The following MRTFA variants were observed in gnomAD, a reference collection of about 807,000 sequenced individuals.
The protein encoded by MRTFA is myocardin related transcription factor A.
A neutral mutation model predicts 83.5 loss-of-function variants in MRTFA; 20 were observed. The ratio of observed to expected loss-of-function variants is 0.24; its 90% CI spans 0.17 to 0.35. The LOEUF (loss-of-function observed/expected upper bound fraction) is 0.35. MRTFA is among the 10% of genes least tolerant of loss of function. The pLI, the probability that MRTFA is intolerant of heterozygous loss-of-function variation, is 1.00. For missense variants in MRTFA, 1,200 were observed against 1,224.7 expected (o/e 0.98, Z 0.30); for synonymous variants, 659 against 541.2 (o/e 1.22, Z -3.02).
chr22:40,411,670 A>G lies in MRTFA; in HGVS notation c.2816T>C (p.Leu939Pro). Residue 939 changes from leucine to proline, a missense_variant, in exon 15 of 15, where the codon CTC becomes CCC. Physicochemically the swap from Leu to Pro is moderately conservative, Grantham distance 98 (BLOSUM62 -3). Coordinates refer to ENST00000355630, the MANE Select transcript of MRTFA (RefSeq NM_020831.6). ...CATCTGGCTATGGAGGTCGTCAATG[A>G]GGGAAAGGGGCTCTGGCCCGTCATG... 6.2e-7 allele frequency: 1 copy of G among 1,609,380 alleles called. No homozygotes were observed. The highest frequency in any genetic ancestry group is 8.5e-7 in the Non-Finnish European group (1 of 1,177,462).
chr22:40,415,879 G>A (rs9611345), intron 14 of MRTFA, among the ~76,000 whole-genome samples: 8,963 of 151,834 alleles, frequency 0.059, 349 homozygotes, highest in Middle Eastern at 0.12. Flanking sequence ...CCAGGACACC[G>A]CACCCTGCCA....
intron 3 of MRTFA, among the ~76,000 whole-genome samples, chr22:40,504,212 C>G (rs1465433742): frequency 6.6e-6 from 1 of 152,150 alleles, no homozygotes; most frequent in Non-Finnish European, 1.5e-5. Context: ...TCTCAAATTT[C>G]TTAAGACTCA....
In MRTFA at chr22:40,418,634, C is replaced by T. The variant is rs775032930; in HGVS notation, c.2104G>A (p.Ala702Thr). 7.2e-6 allele frequency: 11 copies of T among 1,527,800 alleles called. No individual in the cohort carries two copies. In the Admixed American group the frequency reaches 2.0e-4, roughly 28 times the overall value. The allele number at this position is 1,527,800 out of a possible 1,614,324, so 94.6% of individuals were successfully genotyped here. The change falls in exon 12 of 15, where the codon GCG (alanine) becomes ACG (threonine). Residue 702 changes from alanine (A) to threonine (T), a missense_variant. Coordinates refer to ENST00000355630, the MANE Select transcript of MRTFA (RefSeq NM_020831.6). ...TCTATGTGGTTGGTGGCTGGGGCCGCCAGGCTGGGGTTGAATGGGTGAGCG... is the reference window on the plus strand; with the variant it reads ...TCTATGTGGTTGGTGGCTGGGGCCGTCAGGCTGGGGTTGAATGGGTGAGCG...
At position 40,423,705 on chromosome 22, in the gene MRTFA, G is replaced by A; in HGVS notation, c.778-20C>T. 1 of 1,517,676 alleles carries A rather than the reference G, an allele frequency of 6.6e-7. No homozygotes were observed. Among genetic ancestry groups the A allele is most frequent in the Non-Finnish European group, 8.9e-7 (1 of 1,125,148 alleles). The allele number at this position is 1,517,676 out of a possible 1,614,324, so 94.0% of individuals were successfully genotyped here. A position where few individuals can be genotyped will look rare whatever the true frequency, so the allele number is the denominator to read the frequency against. On this transcript the variant is annotated intron_variant, in intron 8 of 14. Coordinates refer to ENST00000355630, the MANE Select transcript of MRTFA (RefSeq NM_020831.6). The stretch of plus-strand genomic sequence containing the variant: ...CACAACCTGAGAGGGAAAAAGGGAA[G>A]TGAGGACATGGCCACCTCCAGGTAG...
intron 1 of MRTFA, among the ~76,000 whole-genome samples, chr22:40,622,555 A>T (rs549287529): frequency 6.6e-6 from 1 of 152,178 alleles, no homozygotes; most frequent in African/African-American, 2.4e-5. Flanking sequence ...GGAGGCAGAG[A>T]TATGACAAAA....
At chr22:40,589,102 T>TG (rs1481155332) in intron 2 of MRTFA, among the ~76,000 whole-genome samples, 4 of 152,158 alleles carry the variant, frequency 2.6e-5, no homozygotes, top group African/African-American at 7.2e-5. Context: ...TAGACATGGT[T>TG]GGGGGGTGTA....
intron 2 of MRTFA, among the ~76,000 whole-genome samples, chr22:40,552,800 G>A (rs968646874): frequency 6.6e-6 from 1 of 152,220 alleles, no homozygotes; most frequent in Admixed American, 6.5e-5. Flanking sequence ...AGAGTGGGAT[G>A]CTGCTATAAG....
chr22:40,414,197 G>T (rs1291491752), intron 14 of MRTFA, among the ~76,000 whole-genome samples: 1 of 152,160 alleles, frequency 6.6e-6, no homozygotes, highest in Non-Finnish European at 1.5e-5. Flanking sequence ...CAAAAAATTG[G>T]CCGGGCGTGG....
chr22:40,608,982 G>A (rs772880425), intron 1 of MRTFA, among the ~76,000 whole-genome samples: 2 of 152,080 alleles, frequency 1.3e-5, no homozygotes, highest in Admixed American at 6.6e-5. Context: ...AACCCTTTAC[G>A]TTGTTGGTAG....
At chr22:40,439,764 C>T (rs778488448) in intron 4 of MRTFA, among the ~76,000 whole-genome samples, 1 of 152,118 alleles carries the variant, frequency 6.6e-6, no homozygotes, top group Non-Finnish European at 1.5e-5. Flanking sequence ...GAGCTCACCA[C>T]GTAACAGCCT....
chr22:40,446,284 A>C (rs2053376631), intron 4 of MRTFA, among the ~76,000 whole-genome samples: 1 of 152,226 alleles, frequency 6.6e-6, no homozygotes, highest in Admixed American at 6.5e-5. Flanking sequence ...TGATTTTTTC[A>C]ATAAAATTGC....
Position 40,552,297 on chromosome 22 carries a change from T to C in MRTFA, c.50A>G (p.Asn17Ser). The change falls in exon 3 of 15, where the codon AAT becomes AGT. Residue 17 changes from asparagine to serine, a missense_variant. Around this residue, in one of 2 missense-constraint regions of MRTFA, gnomAD observed 93 missense variants for 182.9 expected, o/e 0.51. Coordinates refer to ENST00000355630, the MANE Select transcript of MRTFA (RefSeq NM_020831.6). ...GCCGGCCCCTCCTCCGTCCAGCCCA[T>C]TCACAGCAATGACGGAAGGGGGCAG... 2 of 399,030 alleles carry C rather than the reference T, an allele frequency of 5.0e-6. No individual in the cohort carries two copies. The highest frequency in any genetic ancestry group is 8.8e-6 in the Non-Finnish European group (2 of 226,070). The allele number at this position is 399,030 out of a possible 1,614,324, so 24.7% of individuals were successfully genotyped here.
intron 3 of MRTFA, among the ~76,000 whole-genome samples, chr22:40,495,716 G>C (rs2054341808): frequency 7.7e-6 from 1 of 130,646 alleles, no homozygotes; most frequent in African/African-American, 3.0e-5. Context: ...CCGAGATCAA[G>C]CCACTGCACT....
chr22:40,431,469 A>G lies in MRTFA; in HGVS notation c.375T>C (p.Tyr125=), dbSNP rs1218535685. 1 of 1,614,000 alleles carries G rather than the reference A, an allele frequency of 6.2e-7. No homozygotes were observed. The highest frequency in any genetic ancestry group is 1.1e-5 in the South Asian group (1 of 91,082). Residue 125 remains tyrosine, a synonymous_variant, in exon 6 of 15, where the codon TAT becomes TAC. Transcript: ENST00000355630. ...GCCGGGAACGAATCTTCCGTTTGAG[A>G]TAGTCCTCTGTCTACAGAAAAAACA...
Position 40,411,633 on chromosome 22 carries a change from A to G in MRTFA, c.2853T>C (p.Thr951=). 6.2e-7 allele frequency: 1 copy of G among 1,613,510 alleles called. No individual in the cohort carries two copies. The highest frequency in any genetic ancestry group is 1.1e-5 in the South Asian group (1 of 90,980). The stretch of plus-strand genomic sequence containing the variant: ...GTGACGGGGGGTGGTCCAGGATGGC[A>G]GTGCTGCTCAGCATCTGGCTATGGA... The change falls in exon 15 of 15, where the codon ACT becomes ACC. Residue 951 remains threonine (T), a synonymous_variant. Coordinates refer to ENST00000355630, the MANE Select transcript of MRTFA (RefSeq NM_020831.6).
intron 1 of MRTFA, among the ~76,000 whole-genome samples, chr22:40,621,166 A>G (rs566159906): frequency 6.6e-6 from 1 of 151,034 alleles, no homozygotes; most frequent in East Asian, 1.9e-4. Context: ...TGGGTGACAG[A>G]GCGAGACTCT....
At chr22:40,565,530 G>C (rs1356334708) in intron 2 of MRTFA, among the ~76,000 whole-genome samples, 1 of 152,114 alleles carries the variant, frequency 6.6e-6, no homozygotes, top group South Asian at 2.1e-4. Context: ...CTGGGCAACA[G>C]AGCGAGACTC....
intron 3 of MRTFA, among the ~76,000 whole-genome samples, chr22:40,517,656 C>T (rs1031586838): frequency 1.3e-5 from 2 of 152,160 alleles, no homozygotes; most frequent in Non-Finnish European, 2.9e-5. Context: ...TGTCTTCACT[C>T]CTGGCACCGA....
intron 11 of MRTFA, 60 bp from the exon 12 acceptor site, chr22:40,419,444 A>AG: frequency 6.6e-7 from 1 of 1,520,352 alleles, no homozygotes; most frequent in South Asian, 1.1e-5. Context: ...CACTGGGTCC[A>AG]GGCAGAAGGG....
Sources: allele counts gnomAD v4.1 joint callset (sites outside exome capture counted in the v4.1 genomes callset), GRCh38; gene constraint gnomAD v4.1.1; regional missense constraint gnomAD v4.1.1; transcripts MANE v1.5; gene names NCBI Gene and HGNC (gene_info 2026-07-23, HGNC 2026-07-21).